The following VPS13B variants were observed in gnomAD, a reference collection of about 807,000 sequenced individuals.
VPS13B encodes the protein vacuolar protein sorting 13 homolog B.
Under a neutral mutation model 426.4 loss-of-function variants are expected in VPS13B, and 285 were observed. The observed-to-expected ratio is 0.67, with a 90% confidence interval of 0.61 to 0.74. The LOEUF is 0.74. Ranked by LOEUF, VPS13B falls within the 30% of genes least tolerant of loss-of-function variation. VPS13B has a pLI of 0.00. For synonymous variants in VPS13B, 1,676 were observed against 1,676.4 expected, an observed-to-expected ratio of 1.00 and a Z score of 0.01; for missense variants, 4,537 against 4,782.6, an observed-to-expected ratio of 0.95 and a Z score of 1.51.
At chr8:99,048,605 G>A (rs376720309) in intron 3 of VPS13B, among the ~76,000 whole-genome samples, 2 of 151,962 alleles carry the variant, frequency 1.3e-5, no homozygotes, top group South Asian at 2.1e-4. Flanking sequence ...ACCAGTGGTC[G>A]GGAGTTTGAG....
At chr8:99,078,023 T>C (rs1845230348) in intron 3 of VPS13B, among the ~76,000 whole-genome samples, 1 of 152,076 alleles carries the variant, frequency 6.6e-6, no homozygotes, top group South Asian at 2.1e-4. Flanking sequence ...TTATGGGATT[T>C]TGTTTGGTTG....
intron 2 of VPS13B, among the ~76,000 whole-genome samples, chr8:99,033,898 A>T (rs1014535453): frequency 6.6e-6 from 1 of 152,168 alleles, no homozygotes; most frequent in African/African-American, 2.4e-5. Context: ...TCCATCTCAA[A>T]AAAAAAAATT....
intron 29 of VPS13B, among the ~76,000 whole-genome samples, chr8:99,513,320 T>C (rs1470987937): frequency 6.6e-6 from 1 of 152,090 alleles, no homozygotes; most frequent in Non-Finnish European, 1.5e-5. Flanking sequence ...AATTGTAAAA[T>C]TATTTTCAGT....
chr8:99,618,062 T>C (rs1828178592), intron 33 of VPS13B, among the ~76,000 whole-genome samples: 1 of 152,080 alleles, frequency 6.6e-6, no homozygotes, highest in Non-Finnish European at 1.5e-5. Context: ...CATAACCTCA[T>C]GGAGAACTGC....
chr8:99,115,351 T>C (rs1434856335), intron 6 of VPS13B, among the ~76,000 whole-genome samples: 1 of 152,108 alleles, frequency 6.6e-6, no homozygotes. Context: ...TTGAGGATAA[T>C]ACTGTTATTC....
At chr8:99,776,153 T>C (rs923185374) in intron 40 of VPS13B, among the ~76,000 whole-genome samples, 2 of 152,118 alleles carry the variant, frequency 1.3e-5, no homozygotes, top group Non-Finnish European at 1.5e-5. Flanking sequence ...CACTGAAGTA[T>C]TGGGTTTTTG....
At chr8:99,546,716 G>GA (rs1281433293) in intron 30 of VPS13B, among the ~76,000 whole-genome samples, 1 of 151,732 alleles carries the variant, frequency 6.6e-6, no homozygotes, top group African/African-American at 2.4e-5. Flanking sequence ...TTTGGTAGTA[G>GA]AATTGGAATG....
chr8:99,658,403 T>C (rs1433701695), intron 34 of VPS13B, among the ~76,000 whole-genome samples: 3 of 152,156 alleles, frequency 2.0e-5, no homozygotes, highest in African/African-American at 7.2e-5. Flanking sequence ...TGAGGAATCC[T>C]GAATGGCCAA....
intron 35 of VPS13B, among the ~76,000 whole-genome samples, chr8:99,672,443 C>T (rs1305638960): frequency 6.6e-6 from 1 of 152,004 alleles, no homozygotes; most frequent in Admixed American, 6.6e-5. Flanking sequence ...TATAGAAATG[C>T]TATAGGTTTT....
chr8:99,577,891 C>A, intron 33 of VPS13B: 1 of 451,622 alleles, frequency 2.2e-6, no homozygotes, highest in Admixed American at 3.6e-5. Context: ...ATATACATAA[C>A]TTTATTAGCC....
At chr8:99,829,653 G>A (rs1814931231) in intron 51 of VPS13B, among the ~76,000 whole-genome samples, 1 of 152,214 alleles carries the variant, frequency 6.6e-6, no homozygotes, top group African/African-American at 2.4e-5. Context: ...GAGGAGTTGT[G>A]ATCCTTTGGA....
At chr8:99,301,185 A>T (rs991400222) in intron 19 of VPS13B, among the ~76,000 whole-genome samples, 1 of 152,098 alleles carries the variant, frequency 6.6e-6, no homozygotes, top group East Asian at 1.9e-4. Context: ...ATTGCACCCC[A>T]GTCTGGATAA....
intron 19 of VPS13B, among the ~76,000 whole-genome samples, chr8:99,374,579 A>G (rs907970075): frequency 3.3e-5 from 5 of 152,168 alleles, no homozygotes; most frequent in Middle Eastern, 3.4e-3. Flanking sequence ...TATATTTCAC[A>G]GTAGTTTTTA....
intron 8 of VPS13B, among the ~76,000 whole-genome samples, chr8:99,127,814 T>A (rs1809511141): frequency 6.6e-6 from 1 of 152,192 alleles, no homozygotes; most frequent in Non-Finnish European, 1.5e-5. Flanking sequence ...GAATATCATT[T>A]TATAATAAAA....
intron 43 of VPS13B, among the ~76,000 whole-genome samples, chr8:99,803,953 C>A (rs916849034): frequency 2.0e-5 from 3 of 152,136 alleles, no homozygotes; most frequent in South Asian, 4.1e-4. Flanking sequence ...ATCAGTACTG[C>A]AGTATCTGAA....
intron 39 of VPS13B, among the ~76,000 whole-genome samples, chr8:99,752,654 T>C (rs1380269680): frequency 6.6e-6 from 1 of 152,214 alleles, no homozygotes; most frequent in Non-Finnish European, 1.5e-5. Flanking sequence ...TTCTAAAATA[T>C]TTAAAAATTT....
At chr8:99,522,339 G>A (rs1822414599) in intron 30 of VPS13B, among the ~76,000 whole-genome samples, 2 of 152,134 alleles carry the variant, frequency 1.3e-5, no homozygotes, top group Non-Finnish European at 1.5e-5. Flanking sequence ...GTTATATTAA[G>A]AGATCCTATC....
intron 21 of VPS13B, among the ~76,000 whole-genome samples, chr8:99,403,701 G>T (rs1211630374): frequency 6.6e-6 from 1 of 152,178 alleles, no homozygotes; most frequent in Non-Finnish European, 1.5e-5. Flanking sequence ...TCACCCCTGT[G>T]TTCTGGGGCA....
chr8:99,471,723 C>A (rs557862150), intron 24 of VPS13B, among the ~76,000 whole-genome samples: 1 of 152,080 alleles, frequency 6.6e-6, no homozygotes, highest in Non-Finnish European at 1.5e-5. Flanking sequence ...CAAACTAATG[C>A]CCATAGGCCA....
Sources: gnomAD v4.1 joint callset for allele counts (sites outside exome capture counted in the v4.1 genomes callset) on GRCh38, gnomAD v4.1.1 for gene constraint, MANE v1.5 for transcripts, NCBI Gene and HGNC (gene_info 2026-07-23, HGNC 2026-07-21) for gene names.